Variants in CEP295 observed in about 807,000 individuals in gnomAD.
The protein encoded by CEP295 is centrosomal protein of 295 kDa.
CEP295 carries 190 observed loss-of-function variants against 291.6 expected under a neutral mutation model. The observed-to-expected ratio is 0.65, with a 90% CI of 0.58 to 0.73. The LOEUF (loss-of-function observed/expected upper bound fraction) is 0.73. CEP295 is among the 30% of genes least tolerant of loss of function. The pLI is 0.00. For synonymous variants in CEP295, 993 were observed against 1,038.8 expected (o/e 0.96, Z 0.85); for missense variants, 2,863 against 2,949.4 (o/e 0.97, Z 0.68).
chr11:93,680,054 A>G (rs1038145775), intron 7 of CEP295, among the ~76,000 whole-genome samples: 4 of 152,186 alleles, frequency 2.6e-5, no homozygotes, highest in Admixed American at 6.5e-5. Flanking sequence ...AGGCGAGCAG[A>G]TCGCATAGGC....
chr11:93,680,059 A>T (rs1221746185), intron 7 of CEP295, among the ~76,000 whole-genome samples: 1 of 151,992 alleles, frequency 6.6e-6, no homozygotes, highest in Non-Finnish European at 1.5e-5. Flanking sequence ...AGCAGATCGC[A>T]TAGGCCCGGG....
chr11:93,727,183 G>T lies in CEP295; in HGVS notation c.6707G>T (p.Ser2236Ile). Reference sequence around the variant, plus strand: ...TTCCAGCTTTCTATAGGAAACTTAAGTTCAGTCTACAGTTCATCTGATGAA... The same window carrying T: ...TTCCAGCTTTCTATAGGAAACTTAATTTCAGTCTACAGTTCATCTGATGAA... ...VHFQLSIGNLSSVYSSSDEAN... is the reference protein window; with the variant it reads ...VHFQLSIGNLISVYSSSDEAN... The change falls in exon 24 of 30, where the codon AGT becomes ATT. Residue 2236 changes from serine to isoleucine, a missense_variant. Ser to Ile is a moderately radical substitution (Grantham distance 142). Around this residue, in one of 3 missense-constraint regions of CEP295, gnomAD observed 2,295 missense variants for 2,335.7 expected, o/e 0.98. Coordinates refer to ENST00000325212, the MANE Select transcript of CEP295 (RefSeq NM_033395.2). 1.3e-6 allele frequency: 2 copies of T among 1,550,952 alleles called. No homozygotes were observed. The highest frequency in any genetic ancestry group is 1.7e-6 in the Non-Finnish European group (2 of 1,146,676).
intron 13 of CEP295, 100 bp from the exon 14 acceptor site, chr11:93,696,220 A>G (rs1015902467): frequency 3.1e-6 from 2 of 640,020 alleles, no homozygotes; most frequent in African/African-American, 1.9e-5. Flanking sequence ...TATAAAAAAT[A>G]AAGCTGTATG....
At chr11:93,675,709 C>T in intron 6 of CEP295, 43 bp downstream of exon 6, 1 of 1,000,836 alleles carries the variant, frequency 1.0e-6, no homozygotes, top group Non-Finnish European at 1.5e-6. Flanking sequence ...TTTATTATTT[C>T]TGTGTGCATT....
In CEP295 at chr11:93,699,985, A is replaced by C. The variant is rs768053148; in HGVS notation, c.5073A>C (p.Gln1691His). ...GTAATCCTGTGATCCCAGGGTTTCAAGATAGACTTTTGAGTTTTTCACAGT... is the reference window on the plus strand; with the variant it reads ...GTAATCCTGTGATCCCAGGGTTTCACGATAGACTTTTGAGTTTTTCACAGT... ...PPSNPVIPGF[Q>H]DRLLSFSQSV... The change falls in exon 15 of 30, where the codon CAA (glutamine) becomes CAC (histidine). Residue 1691 changes from glutamine to histidine, a missense_variant. Physicochemically the swap from Gln to His is conservative, Grantham distance 24. Coordinates refer to ENST00000325212, the MANE Select transcript of CEP295 (RefSeq NM_033395.2). 6.4e-7 allele frequency: 1 copy of C among 1,551,606 alleles called. No homozygotes were observed.
intron 5 of CEP295, among the ~76,000 whole-genome samples, chr11:93,672,072 A>G (rs1226248452): frequency 1.3e-5 from 2 of 152,206 alleles, no homozygotes; most frequent in African/African-American, 4.8e-5. Flanking sequence ...CCATTTAACA[A>G]ATGAAGAAAA....
chr11:93,683,757 G>A lies in CEP295; in HGVS notation c.949+15G>A, dbSNP rs1951087208. 1.3e-6 allele frequency: 2 copies of A among 1,522,752 alleles called. No homozygotes were observed. Among genetic ancestry groups the A allele is most frequent in the East Asian group, 2.4e-5 (1 of 40,838 alleles). The allele number at this position is 1,522,752 out of a possible 1,614,324, so 94.3% of individuals were successfully genotyped here. On this transcript the variant is annotated intron_variant, in intron 8 of 29. Coordinates refer to ENST00000325212, the MANE Select transcript of CEP295 (RefSeq NM_033395.2). ...TGCAGACAGGAGTAAGATATTTTCA[G>A]TAGGGCTTTCAATAGTGATTTTATA...
chr11:93,729,353 G>C (rs1370087573), intron 25 of CEP295, 81 bp from the exon 26 acceptor site: 1 of 917,524 alleles, frequency 1.1e-6, no homozygotes, highest in Non-Finnish European at 1.7e-6. Flanking sequence ...TGATCATGCC[G>C]CTGCACTCTA....
At chr11:93,677,194 A>T (rs1234453083) in intron 6 of CEP295, among the ~76,000 whole-genome samples, 1 of 152,140 alleles carries the variant, frequency 6.6e-6, no homozygotes, top group African/African-American at 2.4e-5. Flanking sequence ...AACTTATATC[A>T]CATGCACAAT....
chr11:93,721,945 A>C lies in CEP295; in HGVS notation c.5851-9A>C. Reference sequence around the variant, plus strand: ...TACATTGTGGTATGATATTCCCCTTAATTTCTAGGCTAAAACACTGTCTTA... The same window carrying C: ...TACATTGTGGTATGATATTCCCCTTCATTTCTAGGCTAAAACACTGTCTTA... On this transcript the variant is annotated splice_polypyrimidine_tract_variant and intron_variant, in intron 19 of 29. Transcript: ENST00000325212. 2.5e-6 allele frequency: 4 copies of C among 1,596,188 alleles called. No homozygotes were observed. The highest frequency in any genetic ancestry group is 3.4e-6 in the Non-Finnish European group (4 of 1,164,140).
At chr11:93,688,585 G>A (rs1266719990) in intron 10 of CEP295, among the ~76,000 whole-genome samples, 2 of 151,800 alleles carry the variant, frequency 1.3e-5, no homozygotes, top group Non-Finnish European at 2.9e-5. Context: ...CTTGGTTTTC[G>A]TACTTTACTA....
At chr11:93,721,506 A>C in intron 19 of CEP295, 94 bp downstream of exon 19, 3 of 862,978 alleles carry the variant, frequency 3.5e-6, no homozygotes, top group Non-Finnish European at 6.0e-6. Context: ...ATAACATTAA[A>C]GTCAGTGCTT....
intron 18 of CEP295, among the ~76,000 whole-genome samples, chr11:93,708,271 A>G (rs1286336867): frequency 6.6e-6 from 1 of 152,120 alleles, no homozygotes; most frequent in African/African-American, 2.4e-5. Context: ...ATTTGTGCCC[A>G]TTAACCATCC....
At chr11:93,728,108 G>C (rs1179889053) in intron 24 of CEP295, 1 of 156,040 alleles carries the variant, frequency 6.4e-6, no homozygotes, top group Admixed American at 6.4e-5. Context: ...CTCATATTAA[G>C]CAACTTATAA....
intron 5 of CEP295, among the ~76,000 whole-genome samples, 186 bp downstream of exon 5, chr11:93,669,956 T>C (rs1420909593): frequency 4.6e-5 from 7 of 152,144 alleles, no homozygotes; most frequent in African/African-American, 1.4e-4. Context: ...GTAAATACTT[T>C]AGTATGTATC....
Position 93,695,557 on chromosome 11 carries a change from C to T in CEP295, c.1594C>T (p.Gln532Ter), listed in dbSNP as rs1368451782. ...QLELLEQIEQ[Q>*]KLRLETDCFR... ...GGAATTACTTGAACAAATTGAACAG[C>T]AGAAATTAAGATTAGAAACTGACTG... The change falls in exon 13 of 30, where the codon CAG becomes TAG. Residue 532 changes from glutamine to a stop codon, truncating the protein, a stop_gained. Transcript: ENST00000325212. LOFTEE classifies it high-confidence loss of function. The T allele has an allele frequency of 1.4e-6, 2 of 1,478,602 alleles. No individual in the cohort carries two copies. Among genetic ancestry groups the T allele is most frequent in the Non-Finnish European group, 1.8e-6 (2 of 1,123,386 alleles). 91.6% of individuals were successfully genotyped at this position (1,478,602 alleles called of 1,614,324 possible).
chr11:93,667,859 A>G (rs1950260305), intron 3 of CEP295, 52 bp downstream of exon 3: 5 of 1,191,840 alleles, frequency 4.2e-6, no homozygotes, highest in Admixed American at 2.9e-5. Context: ...ATTAGTAAAA[A>G]GTAAATTATA....
At chr11:93,695,108 T>C (rs981886264) in intron 12 of CEP295, among the ~76,000 whole-genome samples, 2 of 152,250 alleles carry the variant, frequency 1.3e-5, no homozygotes, top group African/African-American at 4.8e-5. Flanking sequence ...TAGGAGGCCT[T>C]GATATTTAAT....
Position 93,699,811 on chromosome 11 carries a change from C to T in CEP295, c.4899C>T (p.Asn1633=). 2 of 1,552,200 alleles carry T rather than the reference C, an allele frequency of 1.3e-6. No individual in the cohort carries two copies. The highest frequency in any genetic ancestry group is 2.4e-5 in the South Asian group (2 of 84,062). ...CTTTAAACAAACAAAGAAAGTTGAA[C>T]AAAAGTGAATCTGCTGAGCATACTA... ...ELSLNKQRKL[N]KSESAEHTIP... is the part of the protein sequence containing the mutation. The change falls in exon 15 of 30, where the codon AAC becomes AAT. Residue 1633 remains asparagine (N), a synonymous_variant. Transcript: ENST00000325212.
Sources: gnomAD v4.1 joint callset for allele counts (sites outside exome capture counted in the v4.1 genomes callset) on GRCh38, gnomAD v4.1.1 for gene constraint, gnomAD v4.1.1 regional missense constraint, MANE v1.5 for transcripts, NCBI Gene and HGNC (gene_info 2026-07-23, HGNC 2026-07-21) for gene names.